Variants in KCNH1 observed in about 807,000 individuals in gnomAD.
KCNH1 encodes the protein voltage-gated delayed rectifier potassium channel KCNH1.
A neutral mutation model predicts 69.2 loss-of-function variants in KCNH1; 27 were observed. That is an observed-to-expected ratio of 0.39 (90% CI 0.29 to 0.54). KCNH1 has a LOEUF of 0.54. Ranked by LOEUF, KCNH1 falls within the 20% of genes least tolerant of loss-of-function variation. The pLI is 0.68. For synonymous variants in KCNH1, 456 were observed against 487.7 expected, an observed-to-expected ratio of 0.93 and a Z score of 0.86; for missense variants, 798 against 1,261.6, an observed-to-expected ratio of 0.63 and a Z score of 5.57.
chr1:210,805,353 A>G (rs1004177471), intron 7 of KCNH1, among the ~76,000 whole-genome samples: 6 of 152,166 alleles, frequency 3.9e-5, no homozygotes, highest in Non-Finnish European at 2.9e-5. Flanking sequence ...ATAATTTGCT[A>G]TGTTTTGACA....
chr1:211,090,044 A>G (rs1691025236), intron 4 of KCNH1, among the ~76,000 whole-genome samples: 1 of 152,198 alleles, frequency 6.6e-6, no homozygotes, highest in African/African-American at 2.4e-5. Flanking sequence ...CCATATAGAA[A>G]TGTTACTTAG....
chr1:210,789,018 G>T lies in KCNH1; in HGVS notation c.1915+8490C>A, dbSNP rs146856478. Among the ~76,000 whole-genome samples the T allele has an allele frequency of 2.6e-5, 4 of 152,206 alleles. No homozygotes were observed. In the South Asian group the frequency reaches 8.3e-4, roughly 32 times the overall value. On this transcript the variant is annotated intron_variant, in intron 9 of 10. Coordinates refer to ENST00000271751, the MANE Select transcript of KCNH1 (RefSeq NM_172362.3). ...GCCTATAGCTTCTTTCTAAAAGTGC[G>T]GACTTAGTTTAATTGCTTCAGATGG...
chr1:210,898,884 CT>C (rs1326298327), intron 7 of KCNH1, among the ~76,000 whole-genome samples: 1 of 152,174 alleles, frequency 6.6e-6, no homozygotes, highest in African/African-American at 2.4e-5. Context: ...AGAAGCTAAG[CT>C]GAAGAGAGCT....
At chr1:210,802,147 C>T (rs1217952241) in intron 8 of KCNH1, among the ~76,000 whole-genome samples, 1 of 152,182 alleles carries the variant, frequency 6.6e-6, no homozygotes, top group Non-Finnish European at 1.5e-5. Flanking sequence ...AATATCTGTT[C>T]TTAATGCATG....
intron 7 of KCNH1, among the ~76,000 whole-genome samples, chr1:210,846,779 C>T (rs923900937): frequency 2.0e-5 from 3 of 151,938 alleles, no homozygotes; most frequent in Non-Finnish European, 4.4e-5. Context: ...AAACTACCAT[C>T]AGAGTGAACA....
At chr1:210,745,009 C>T (rs1683117304) in intron 10 of KCNH1, among the ~76,000 whole-genome samples, 1 of 91,148 alleles carries the variant, frequency 1.1e-5, no homozygotes, top group South Asian at 4.6e-4. Context: ...TCGAGACCAG[C>T]CTGGCCAACA....
chr1:210,752,324 T>C (rs1683301261), intron 10 of KCNH1, among the ~76,000 whole-genome samples: 1 of 152,186 alleles, frequency 6.6e-6, no homozygotes, highest in Admixed American at 6.5e-5. Context: ...CACCAGCTCA[T>C]AACTCCTGGC....
At chr1:211,065,639 C>A (rs114066892) in intron 5 of KCNH1, among the ~76,000 whole-genome samples, 2,462 of 152,042 alleles carry the variant, frequency 0.016, 62 homozygotes, top group African/African-American at 0.055. Flanking sequence ...AAATGTTCTC[C>A]CCACACACAA....
intron 6 of KCNH1, among the ~76,000 whole-genome samples, chr1:210,989,886 A>G (rs2102388102): frequency 6.6e-6 from 1 of 152,276 alleles, no homozygotes; most frequent in East Asian, 1.9e-4. Context: ...TAACTAGCCC[A>G]ATTTATTTTA....
chr1:211,081,787 G>T (rs868072720), intron 5 of KCNH1, among the ~76,000 whole-genome samples: 2 of 152,190 alleles, frequency 1.3e-5, no homozygotes, highest in African/African-American at 4.8e-5. Context: ...TTGGACACAG[G>T]GCAGGTAACA....
chr1:210,995,248 T>C (rs1689007971), intron 6 of KCNH1, among the ~76,000 whole-genome samples: 1 of 152,210 alleles, frequency 6.6e-6, no homozygotes, highest in South Asian at 2.1e-4. Flanking sequence ...TTTCTGCCTT[T>C]TGCCATTCTT....
At position 210,846,310 on chromosome 1, in the gene KCNH1, C is replaced by T. The variant is rs530414503; in HGVS notation, c.1463-42144G>A. On this transcript the variant is annotated intron_variant, in intron 7 of 10. Transcript: ENST00000271751. ...CAAAAGAACAAACCTGGAGGCATCA[C>T]GCTGCCTGACTTCAAACTATACTAC... Among the ~76,000 whole-genome samples the T allele has an allele frequency of 2.0e-4, 30 of 152,256 alleles. 1 individual carries two copies. In the South Asian group the frequency reaches 4.6e-3, roughly 23 times the overall value.
At chr1:210,784,656 A>G (rs1684059498) in intron 9 of KCNH1, among the ~76,000 whole-genome samples, 1 of 152,120 alleles carries the variant, frequency 6.6e-6, no homozygotes, top group South Asian at 2.1e-4. Context: ...GTTTTGTCTC[A>G]TTCTAGGTTT....
In KCNH1 at chr1:211,103,924, C is replaced by T. The variant is rs141966225; in HGVS notation, c.204-322G>A. 1.3e-3 allele frequency among the ~76,000 whole-genome samples: 205 copies of T among 152,348 alleles called. 1 individual carries two copies. The highest frequency in any genetic ancestry group is 4.8e-3 in the African/African-American group (199 of 41,580). On this transcript the variant is annotated intron_variant, in intron 2 of 10. Transcript: ENST00000271751. ...CAGAACACACAGAATAGGCACAGTG[C>T]ACTCCCTGGTTGATCAGAGAATGCT...
At chr1:211,013,829 C>T (rs548693510) in intron 6 of KCNH1, among the ~76,000 whole-genome samples, 6 of 132,146 alleles carry the variant, frequency 4.5e-5, no homozygotes, top group African/African-American at 1.4e-4. Flanking sequence ...AACAAATTGC[C>T]GTCCTCCCAG....
At chr1:210,698,828 G>A (rs1184685865) in intron 10 of KCNH1, among the ~76,000 whole-genome samples, 1 of 152,220 alleles carries the variant, frequency 6.6e-6, no homozygotes, top group African/African-American at 2.4e-5. Context: ...AGGCTGGTCT[G>A]CCACCAGAGC....
intron 6 of KCNH1, among the ~76,000 whole-genome samples, chr1:210,991,603 CCACA>C (rs67518284): frequency 0.025 from 3,696 of 148,388 alleles, 58 homozygotes; most frequent in Middle Eastern, 0.032. Flanking sequence ...TCTGTTCTTG[CCACA>C]CACACACACA....
Position 210,804,030 on chromosome 1 carries a change from A to G in KCNH1, c.1599T>C (p.Ser533=), listed in dbSNP as rs772708214. 15 of 1,614,088 alleles carry G rather than the reference A, an allele frequency of 9.3e-6. No homozygotes were observed. The South Asian group carries it at 1.5e-4, about 17-fold the overall frequency. The change falls in exon 8 of 11, where the codon AGT becomes AGC. Residue 533 remains serine (S), a synonymous_variant. Transcript: ENST00000271751. ...ACACAATATAATCCATTACTCGCTC[A>G]CTCAATCCTTTTGGCACCTGGTAGA... ...LKLYQVPKGL[S]ERVMDYIVST... is the part of the protein sequence containing the mutation.
At chr1:211,112,830 C>T (rs1316897564) in intron 1 of KCNH1, among the ~76,000 whole-genome samples, 3 of 152,154 alleles carry the variant, frequency 2.0e-5, no homozygotes, top group Admixed American at 6.5e-5. Context: ...AGAAATTCTT[C>T]CCCCATCCCT....
Sources: gnomAD v4.1 joint callset for allele counts (sites outside exome capture counted in the v4.1 genomes callset) on GRCh38, gnomAD v4.1.1 for gene constraint, MANE v1.5 for transcripts, NCBI Gene and HGNC (gene_info 2026-07-23, HGNC 2026-07-21) for gene names.